Variants in OXNAD1 observed in about 807,000 individuals in gnomAD.
The protein encoded by OXNAD1 is oxidoreductase NAD-binding domain-containing protein 1.
Under a neutral mutation model 32.9 loss-of-function variants are expected in OXNAD1, and 34 were observed. The observed-to-expected ratio is 1.03, with a 90% confidence interval of 0.79 to 1.38. The LOEUF (loss-of-function observed/expected upper bound fraction) is 1.38. Among genes scored for constraint, OXNAD1 ranks in the 40% most tolerant of loss-of-function variants. OXNAD1 has a pLI of 0.00. For missense variants in OXNAD1, 407 were observed against 379.4 expected (o/e 1.07, Z -0.60); for synonymous variants, 134 against 135.2 (o/e 0.99, Z 0.06).
chr3:16,309,780 A>G (rs372141442), downstream of OXNAD1, among the ~76,000 whole-genome samples: 1 of 152,180 alleles, frequency 6.6e-6, no homozygotes, highest in South Asian at 2.1e-4. Context: ...CTCTCTCTGA[A>G]ACCTGCTTTC....
In OXNAD1 at chr3:16,346,656, T is replaced by C. The variant is rs1349879904; in HGVS notation, c.*31-2520T>C. On this transcript the variant is annotated intron_variant, in intron 9 of 9. Transcript: ENST00000606098. This position sits in a 1 kb window ranked among gnomAD's most constrained non-coding sequence, Gnocchi z 4.4. ...GTGGCATGGGTCTGTGACTCAGTCC[T>C]GGCCAATGAGACCTGAGGAAATCTC... is the stretch of plus-strand genomic sequence containing the variant. Among the ~76,000 whole-genome samples the C allele has an allele frequency of 1.3e-5, 2 of 152,210 alleles. No homozygotes were observed. Among genetic ancestry groups the C allele is most frequent in the African/African-American group, 4.8e-5 (2 of 41,460 alleles).
intron 9 of OXNAD1, chr3:16,313,425 T>C (rs1233832474): frequency 6.6e-6 from 1 of 152,128 alleles, no homozygotes; most frequent in African/African-American, 2.4e-5. Context: ...CCTGCTCCTG[T>C]CTCATTGCCA....
At chr3:16,306,229 G>A (rs547650587), downstream of OXNAD1, 1 of 152,284 alleles carries the variant, frequency 6.6e-6, no homozygotes, top group South Asian at 2.1e-4. Flanking sequence ...TGACAAAGTA[G>A]AGATAGTAAA....
At chr3:16,270,820 T>A (rs1259139366) in intron 2 of OXNAD1, 125 bp from the exon 3 acceptor site, 3 of 1,381,990 alleles carry the variant, frequency 2.2e-6, no homozygotes, top group Non-Finnish European at 2.9e-6. Context: ...GCTGCTTTGG[T>A]GGTAACTTGA....
At position 16,265,626 on chromosome 3, in the gene OXNAD1, A is replaced by G. The variant is rs2064433877; in HGVS notation, c.-159+121A>G. 2 of 153,146 alleles carry G rather than the reference A, an allele frequency of 1.3e-5. No individual in the cohort carries two copies. The highest frequency in any genetic ancestry group is 6.5e-5 in the Admixed American group (1 of 15,286). The allele number at this position is 153,146 out of a possible 1,614,324, so 9.5% of individuals were successfully genotyped here. ...GTCTTCTGTTTGCCAGGCTTATAAC[A>G]TTATTAACGACGATGATTTTTAGTA... On this transcript the variant is annotated intron_variant, in intron 1 of 8. Transcript: ENST00000285083. The surrounding 1 kb of genome is among the most constrained non-coding windows in gnomAD (Gnocchi z 4.8).
intron 9 of OXNAD1, among the ~76,000 whole-genome samples, chr3:16,343,885 CTG>C (rs1200186953): frequency 1.3e-5 from 2 of 152,154 alleles, no homozygotes; most frequent in African/African-American, 2.4e-5. Context: ...GCAAAGCCAG[CTG>C]ATAGTCTTAT....
chr3:16,267,814 T>G (rs1297152585), intron 1 of OXNAD1, among the ~76,000 whole-genome samples: 1 of 152,224 alleles, frequency 6.6e-6, no homozygotes, highest in Non-Finnish European at 1.5e-5. Flanking sequence ...CCTAAAATAG[T>G]GCCTGGCACC....
chr3:16,287,984 C>T lies in OXNAD1; in HGVS notation c.290+1536C>T, dbSNP rs148259005. 6.6e-6 allele frequency among the ~76,000 whole-genome samples: 1 copy of T among 152,290 alleles called. No individual in the cohort carries two copies. Among genetic ancestry groups the T allele is most frequent in the Non-Finnish European group, 1.5e-5 (1 of 68,028 alleles). On this transcript the variant is annotated intron_variant, in intron 5 of 8. Coordinates refer to ENST00000285083, the MANE Select transcript of OXNAD1 (RefSeq NM_138381.5). This position sits in a 1 kb window ranked among gnomAD's most constrained non-coding sequence, Gnocchi z 4.8. ...AGGATCACTGGCTGGTAGTGTGTGA[C>T]GCTTTCCCTCCCAGGTGTTGATCAG...
chr3:16,317,243 G>A lies in OXNAD1; in HGVS notation c.*30+13651G>A, dbSNP rs2068506183. On this transcript the variant is annotated intron_variant, in intron 9 of 9. Coordinates refer to the OXNAD1 transcript ENST00000435829. This position sits in a 1 kb window ranked among gnomAD's most constrained non-coding sequence, Gnocchi z 4.3. The stretch of plus-strand genomic sequence containing the variant: ...GAATCGCCACTGAAACTAGAAATCA[G>A]AAAGGATGGGGATAAATAACAAGCC... The A allele has an allele frequency of 1.9e-6, 3 of 1,610,244 alleles. No individual in the cohort carries two copies.
At chr3:16,294,770 G>T in intron 5 of OXNAD1, 86 bp from the exon 6 acceptor site, 2 of 1,295,218 alleles carry the variant, frequency 1.5e-6, no homozygotes, top group Non-Finnish European at 1.1e-6. Context: ...TTTTTTCATA[G>T]TCTTGCAAAG....
At chr3:16,272,340 G>A in intron 4 of OXNAD1, 1 of 232,538 alleles carries the variant, frequency 4.3e-6, no homozygotes, top group Non-Finnish European at 8.8e-6. Flanking sequence ...CCCCATTTTT[G>A]TTTAAAAACA....
At chr3:16,308,143 TA>T (rs2067701348), downstream of OXNAD1, among the ~76,000 whole-genome samples, 1 of 152,202 alleles carries the variant, frequency 6.6e-6, no homozygotes, top group African/African-American at 2.4e-5. The surrounding 1 kb of genome is among the most constrained non-coding windows in gnomAD (Gnocchi z 4.4). Context: ...TTTGTAAGTC[TA>T]AGTGATAAAG....
chr3:16,276,237 C>T (rs2065310366), intron 4 of OXNAD1: 1 of 247,016 alleles, frequency 4.0e-6, no homozygotes, highest in Non-Finnish European at 7.9e-6. Context: ...GGGAGCACAT[C>T]TGTGTTAACT....
intron 6 of OXNAD1, among the ~76,000 whole-genome samples, chr3:16,300,910 C>T (rs932416541): frequency 9.2e-5 from 14 of 152,204 alleles, no homozygotes; most frequent in African/African-American, 3.4e-4. Context: ...GTTTCCCAAA[C>T]ACCTTCATCA....
chr3:16,271,234 T>C lies in OXNAD1; in HGVS notation c.119+163T>C, dbSNP rs910852130. ...GTTTTTTTTGTCTGAGATGGAGTCT[T>C]GCTCCGTCGCCTGGGCTGGAGTGCA... On this transcript the variant is annotated intron_variant, in intron 3 of 8. Coordinates refer to ENST00000285083, the MANE Select transcript of OXNAD1 (RefSeq NM_138381.5). The surrounding 1 kb of genome is among the most constrained non-coding windows in gnomAD (Gnocchi z 4.6). 4.8e-6 allele frequency: 4 copies of C among 838,286 alleles called. No homozygotes were observed. Among genetic ancestry groups the C allele is most frequent in the Admixed American group, 2.8e-5 (1 of 35,866 alleles). The allele number at this position is 838,286 out of a possible 1,614,324, so 51.9% of individuals were successfully genotyped here. A position where few individuals can be genotyped will look rare whatever the true frequency, so the allele number is the denominator to read the frequency against.
In OXNAD1 at chr3:16,299,314, G is replaced by A. The variant is rs1469449604; in HGVS notation, c.433-2312G>A. 2.0e-5 allele frequency among the ~76,000 whole-genome samples: 3 copies of A among 152,146 alleles called. No homozygotes were observed. Among genetic ancestry groups the A allele is most frequent in the Admixed American group, 2.0e-4 (3 of 15,264 alleles). ...CTCTTGTATCTTAAATTCTATTTTT[G>A]AGACTTGAAAGGAAAGAATATTTTA... On this transcript the variant is annotated intron_variant, in intron 6 of 8. Transcript: ENST00000285083. The surrounding 1 kb of genome is among the most constrained non-coding windows in gnomAD (Gnocchi z 4.4).
At position 16,320,376 on chromosome 3, in the gene OXNAD1, T is replaced by G. The variant is rs2068910311; in HGVS notation, c.*31-16736T>G. On this transcript the variant is annotated intron_variant, in intron 9 of 9. Transcript: ENST00000435829. This position sits in a 1 kb window ranked among gnomAD's most constrained non-coding sequence, Gnocchi z 4.5. ...ATCCTCGGTGTGCCAATCTTGCAGTTTCTTTTCTTAAGTTTTAATGCTAGA... is the reference window on the plus strand; with the variant it reads ...ATCCTCGGTGTGCCAATCTTGCAGTGTCTTTTCTTAAGTTTTAATGCTAGA... Among the ~76,000 whole-genome samples the G allele has an allele frequency of 6.6e-6, 1 of 152,184 alleles. No homozygotes were observed. The highest frequency in any genetic ancestry group is 2.1e-4 in the South Asian group (1 of 4,832).
intron 4 of OXNAD1, among the ~76,000 whole-genome samples, chr3:16,281,069 CAG>C (rs1482531870): frequency 6.6e-6 from 1 of 152,166 alleles, no homozygotes; most frequent in Non-Finnish European, 1.5e-5. Context: ...TAGCATATAA[CAG>C]GGGCCACAAT....
rs1212418791 is a variant in OXNAD1, at chr3:16,345,912, CTTG to C, written c.*31-3258_*31-3256del. On this transcript the variant is annotated intron_variant, in intron 9 of 9. Transcript: ENST00000606098. The surrounding 1 kb of genome is among the most constrained non-coding windows in gnomAD (Gnocchi z 5.2). ...CTGGAGAACCCTAATACACTTCTTT[CTTG>C]TTGTTCTGTGGCATACACTGAATAT... is the stretch of plus-strand genomic sequence containing the variant. 9 of 151,804 alleles carry C rather than the reference CTTG, an allele frequency of 5.9e-5. No homozygotes were observed. The highest frequency in any genetic ancestry group is 3.9e-4 in the Admixed American group (6 of 15,220). 9.4% of individuals were successfully genotyped at this position (151,804 alleles called of 1,614,324 possible). A position where few individuals can be genotyped will look rare whatever the true frequency, so the allele number is the denominator to read the frequency against.
Sources: allele counts gnomAD v4.1 joint callset (sites outside exome capture counted in the v4.1 genomes callset), GRCh38; gene constraint gnomAD v4.1.1; non-coding constraint Gnocchi (gnomAD v3.1); transcripts MANE v1.5; gene names NCBI Gene and HGNC (gene_info 2026-07-23, HGNC 2026-07-21).